Variants in NUP153 observed in about 807,000 individuals in gnomAD.
The protein encoded by NUP153 is nuclear pore complex protein Nup153.
Under a neutral mutation model 134.6 loss-of-function variants are expected in NUP153, and 27 were observed. The observed-to-expected ratio is 0.20, with a 90% confidence interval of 0.15 to 0.28. NUP153 has a LOEUF of 0.28. Among genes scored for constraint, NUP153 ranks in the 10% least tolerant of loss-of-function variants. NUP153 has a pLI of 1.00. For missense variants in NUP153, 1,821 were observed against 1,731.3 expected (o/e 1.05, Z -0.92); for synonymous variants, 640 against 623.5 (o/e 1.03, Z -0.40).
chr6:17,654,906 T>C (rs1370836904), intron 11 of NUP153, among the ~76,000 whole-genome samples: 2 of 152,114 alleles, frequency 1.3e-5, no homozygotes, highest in East Asian at 3.9e-4. Context: ...GTGGCAGAAA[T>C]CTTACAGACA....
chr6:17,632,501 A>T, intron 17 of NUP153, 149 bp downstream of exon 17: 1 of 587,852 alleles, frequency 1.7e-6, no homozygotes, highest in Non-Finnish European at 2.8e-6. Context: ...AAACAGATAT[A>T]ACTAAAACAT....
chr6:17,618,727 G>A (rs889882705), intron 20 of NUP153, among the ~76,000 whole-genome samples: 2 of 152,010 alleles, frequency 1.3e-5, no homozygotes, highest in African/African-American at 4.8e-5. Flanking sequence ...CACCACGCCT[G>A]GCTAATTTTT....
chr6:17,682,831 T>C (rs889494111), intron 2 of NUP153, among the ~76,000 whole-genome samples: 9 of 151,466 alleles, frequency 5.9e-5, no homozygotes, highest in East Asian at 2.0e-4. Context: ...GGCAGGAGAA[T>C]TGCTTTATCG....
At position 17,646,082 on chromosome 6, in the gene NUP153, T is replaced by C. The variant is rs139274964; in HGVS notation, c.1705A>G (p.Ile569Val). ...LSGSSSTLEP[I>V]ISSSAHHVTT... Reference sequence around the variant, plus strand: ...TTTTACTTACCTGAACTACTTATAATTGGTTCTAAAGTACTACTAGAACCA... The same window carrying C: ...TTTTACTTACCTGAACTACTTATAACTGGTTCTAAAGTACTACTAGAACCA... Residue 569 changes from isoleucine to valine, a missense_variant, in exon 14 of 22, where the codon ATT (isoleucine) becomes GTT (valine). Transcript: ENST00000262077. 7.8e-4 allele frequency: 1,223 copies of C among 1,561,572 alleles called. 1 individual carries two copies. Among genetic ancestry groups the C allele is most frequent in the Non-Finnish European group, 1.0e-3 (1,130 of 1,134,606 alleles).
intron 11 of NUP153, chr6:17,651,723 A>G (rs1197008028): frequency 5.0e-6 from 2 of 398,060 alleles, no homozygotes; most frequent in African/African-American, 4.1e-5. Context: ...ACTTAATAAT[A>G]TTAAAAGGAC....
rs1431088105 is a variant in NUP153 at position 17,649,314 on chromosome 6, T to C, written c.1396-14A>G. 2.5e-6 allele frequency: 4 copies of C among 1,604,086 alleles called. No homozygotes were observed. Among genetic ancestry groups the C allele is most frequent in the Non-Finnish European group, 3.4e-6 (4 of 1,176,322 alleles). ...AACTTCCATTTCCTAAAACATAACA[T>C]GTTGCATGATATATTTCATCTTTCA... On this transcript the variant is annotated splice_polypyrimidine_tract_variant and intron_variant, in intron 11 of 21. Transcript: ENST00000262077.
In NUP153 at chr6:17,635,102, A is replaced by AT. The variant is rs761543163; in HGVS notation, c.2464+2050dup. ...GCCCACAGGTTGCACAGCTTGGCTT[A>AT]TCTTTTTTTTTTTTTTTTTTTTTTT... On this transcript the variant is annotated intron_variant, in intron 16 of 21. Transcript: ENST00000262077. Among the ~76,000 whole-genome samples, 101 of 117,514 alleles carry AT rather than the reference A, an allele frequency of 8.6e-4. No individual in the cohort carries two copies. In the East Asian group the frequency reaches 0.015, roughly 18 times the overall value. 77.1% of individuals were successfully genotyped at this position (117,514 alleles called of 152,430 possible). A position where few individuals can be genotyped will look rare whatever the true frequency, so the allele number is the denominator to read the frequency against.
chr6:17,693,595 C>T (rs1769424600), intron 1 of NUP153, among the ~76,000 whole-genome samples: 1 of 152,194 alleles, frequency 6.6e-6, no homozygotes, highest in Admixed American at 6.5e-5. Context: ...CTTAAAGATA[C>T]TTCCTTTGAG....
Position 17,668,866 on chromosome 6 carries a change from T to C in NUP153, c.1068+109A>G, listed in dbSNP as rs1373634351. On this transcript the variant is annotated intron_variant, in intron 8 of 21. Transcript: ENST00000262077. ...TCAAAAAAAAAAAGAATATTATTTT[T>C]CAAACATGTTCCCTAATGTCTAAAC... The C allele has an allele frequency of 1.2e-5, 9 of 734,874 alleles. No individual in the cohort carries two copies. The South Asian group carries it at 1.6e-4, about 13-fold the overall frequency. 45.5% of individuals were successfully genotyped at this position (734,874 alleles called of 1,614,324 possible). A position where few individuals can be genotyped will look rare whatever the true frequency, so the allele number is the denominator to read the frequency against.
intron 20 of NUP153, among the ~76,000 whole-genome samples, chr6:17,620,029 C>T (rs1350316150): frequency 1.5e-5 from 2 of 136,370 alleles, no homozygotes; most frequent in Admixed American, 8.5e-5. Context: ...ACCTGGGAGG[C>T]AGAGGCTGCA....
At chr6:17,672,877 A>G (rs976292876) in intron 5 of NUP153, among the ~76,000 whole-genome samples, 1 of 152,178 alleles carries the variant, frequency 6.6e-6, no homozygotes, top group Non-Finnish European at 1.5e-5. Flanking sequence ...ACCTCATACC[A>G]CACACAAAAA....
intron 16 of NUP153, among the ~76,000 whole-genome samples, chr6:17,636,506 T>A (rs1765558223): frequency 6.6e-6 from 1 of 152,126 alleles, no homozygotes; most frequent in Non-Finnish European, 1.5e-5. Context: ...TTGAAAACAG[T>A]GTAATTCCCA....
chr6:17,672,598 C>A (rs1354672578), intron 5 of NUP153, among the ~76,000 whole-genome samples: 1 of 152,058 alleles, frequency 6.6e-6, no homozygotes, highest in East Asian at 1.9e-4. Context: ...AGAACAAAGA[C>A]GGTGCAAAAG....
intron 9 of NUP153, among the ~76,000 whole-genome samples, chr6:17,664,455 G>A (rs1310660445): frequency 6.6e-6 from 1 of 152,126 alleles, no homozygotes; most frequent in African/African-American, 2.4e-5. Context: ...ACCAAAAGCA[G>A]TATCTGAACC....
chr6:17,647,467 TGTC>T (rs1766258426), intron 13 of NUP153, among the ~76,000 whole-genome samples: 2 of 152,198 alleles, frequency 1.3e-5, no homozygotes, highest in Admixed American at 1.3e-4. Context: ...ATATGGACCA[TGTC>T]GTTATTATAT....
chr6:17,629,493 G>A lies in NUP153; in HGVS notation c.2706C>T (p.Ser902=), dbSNP rs748256543. ...SSSSNSAASS[S]FKFGVSSSSS... ...AGGATGATGAGACACCAAATTTGAA[G>A]GATGAGGAGGCTGCTGAGTTCGAAG... The change falls in exon 18 of 22, where the codon TCC becomes TCT. Residue 902 remains serine, a synonymous_variant. Coordinates refer to ENST00000262077, the MANE Select transcript of NUP153 (RefSeq NM_005124.4). 1 of 1,604,990 alleles carries A rather than the reference G, an allele frequency of 6.2e-7. No homozygotes were observed. The highest frequency in any genetic ancestry group is 1.1e-5 in the South Asian group (1 of 88,854).
intron 7 of NUP153, 26 bp from the exon 8 acceptor site, chr6:17,669,054 G>GAAT: frequency 3.0e-6 from 4 of 1,340,110 alleles, no homozygotes; most frequent in Non-Finnish European, 4.1e-6. Flanking sequence ...AACACTATTA[G>GAAT]AATAGATGGG....
chr6:17,658,267 A>G (rs963911669), intron 11 of NUP153, among the ~76,000 whole-genome samples: 2 of 152,312 alleles, frequency 1.3e-5, no homozygotes, highest in African/African-American at 4.8e-5. Context: ...CCTGTGGCAC[A>G]TGCCTGTAAT....
At chr6:17,635,847 T>C (rs1765521393) in intron 16 of NUP153, among the ~76,000 whole-genome samples, 2 of 152,268 alleles carry the variant, frequency 1.3e-5, no homozygotes, top group Admixed American at 1.3e-4. Context: ...TGGTTCATCA[T>C]TGAAAGGAGG....
Sources: allele counts gnomAD v4.1 joint callset (sites outside exome capture counted in the v4.1 genomes callset), GRCh38; gene constraint gnomAD v4.1.1; transcripts MANE v1.5; gene names NCBI Gene and HGNC (gene_info 2026-07-23, HGNC 2026-07-21).